RSRP1: variants seen among roughly 807,000 people sequenced by gnomAD.
The protein encoded by RSRP1 is arginine and serine rich protein 1.
RSRP1 carries 37 observed loss-of-function variants against 33.0 expected under a neutral mutation model. The ratio of observed to expected loss-of-function variants is 1.12; its 90% CI spans 0.86 to 1.48. The LOEUF (loss-of-function observed/expected upper bound fraction) is 1.48, where lower values mean the gene tolerates loss of function less well. Among genes scored for constraint, RSRP1 ranks in the 40% most tolerant of loss-of-function variants. The pLI is 0.00. For missense variants in RSRP1, 402 were observed against 385.3 expected, an observed-to-expected ratio of 1.04 and a Z score of -0.36; for synonymous variants, 167 against 158.7, an observed-to-expected ratio of 1.05 and a Z score of -0.40.
chr1:25,246,927 G>T lies in RSRP1; in HGVS notation c.37C>A (p.Pro13Thr). Residue 13 changes from proline (P) to threonine (T), a missense_variant, in exon 2 of 5, where the codon CCG becomes ACG. By Grantham distance (38) the Pro-to-Thr change is conservative. Coordinates refer to ENST00000243189, the MANE Select transcript of RSRP1 (RefSeq NM_020317.5). The stretch of plus-strand genomic sequence containing the variant: ...GTCGAGGGCGAATCCTTCTCCTGCG[G>T]CGAGCCCGGCCACATGTCGTTCACG... The part of the protein sequence containing the change: ...NYVNDMWPGS[P>T]QEKDSPSTSR... The T allele has an allele frequency of 1.3e-6, 2 of 1,593,580 alleles. No individual in the cohort carries two copies. Among genetic ancestry groups the T allele is most frequent in the Non-Finnish European group, 1.7e-6 (2 of 1,166,816 alleles).
At chr1:25,265,556 C>T (rs1640290342) in intron 1 of RSRP1, among the ~76,000 whole-genome samples, 1 of 80,564 alleles carries the variant, frequency 1.2e-5, no homozygotes, top group Admixed American at 1.2e-4. Flanking sequence ...CAACCTCCAC[C>T]TCCCAGGTTC....
rs71652367 is a variant in RSRP1 at position 25,284,235 on chromosome 1, G to A, written c.-66-37206C>T. Among the ~76,000 whole-genome samples the A allele has an allele frequency of 4.1e-4, 56 of 136,132 alleles. 3 individuals carry two copies. The highest frequency in any genetic ancestry group is 1.3e-3 in the African/African-American group (51 of 39,796). The allele number at this position is 136,132 out of a possible 152,430, so 89.3% of individuals were successfully genotyped here. ...TGACCTTTACTGAGTGTCCATGTGC[G>A]TCAAGCACGTGTGCTTTACACTTGT... On this transcript the variant is annotated intron_variant, in intron 1 of 1. Coordinates refer to the RSRP1 transcript ENST00000561867.
rs1484127214 is a variant in RSRP1 at position 25,286,781 on chromosome 1, G to A, written c.-66-39752C>T. Among the ~76,000 whole-genome samples the A allele has an allele frequency of 3.9e-4, 50 of 129,788 alleles. 8 individuals carry two copies. The highest frequency in any genetic ancestry group is 1.3e-3 in the African/African-American group (48 of 36,164). 85.1% of individuals were successfully genotyped at this position (129,788 alleles called of 152,430 possible). On this transcript the variant is annotated intron_variant, in intron 1 of 1. Transcript: ENST00000561867. ...AGCCTGGGTGACAGAGCGAGACTCC[G>A]TCTCAAAAAAAAAAAACAAAAACAG...
intron 1 of RSRP1, chr1:25,321,772 G>A: frequency 1.9e-6 from 1 of 517,950 alleles, no homozygotes; most frequent in Admixed American, 2.8e-5. Flanking sequence ...TTCAATTGTG[G>A]GAGAAAAAGG....
At chr1:25,270,237 G>C (rs1379717453) in intron 1 of RSRP1, among the ~76,000 whole-genome samples, 1 of 130,810 alleles carries the variant, frequency 7.6e-6, no homozygotes, top group African/African-American at 2.6e-5. Flanking sequence ...TTGCTGTTGG[G>C]GTAGCAGAGG....
intron 1 of RSRP1, among the ~76,000 whole-genome samples, chr1:25,272,014 G>A (rs1640540738): frequency 7.6e-6 from 1 of 131,392 alleles, no homozygotes; most frequent in Admixed American, 7.4e-5. Flanking sequence ...GGTCCTATCT[G>A]TATCCTCCCC....
At position 25,243,545 on chromosome 1, in the gene RSRP1, C is replaced by T. The variant is rs372056548; in HGVS notation, c.756+5G>A. On this transcript the variant is annotated splice_donor_5th_base_variant and intron_variant, in intron 4 of 4. Coordinates refer to ENST00000243189, the MANE Select transcript of RSRP1 (RefSeq NM_020317.5). ...TTTGAGTGTTCAATGCCTGGATATA[C>T]TTACATTAGAGCTAAAAGCTATGCT... is the stretch of plus-strand genomic sequence containing the variant. 1 of 1,613,182 alleles carries T rather than the reference C, an allele frequency of 6.2e-7. No homozygotes were observed. Among genetic ancestry groups the T allele is most frequent in the Non-Finnish European group, 8.5e-7 (1 of 1,179,534 alleles).
At chr1:25,305,649 G>A (rs554018620) in intron 1 of RSRP1, among the ~76,000 whole-genome samples, 1 of 129,168 alleles carries the variant, frequency 7.7e-6, no homozygotes, top group East Asian at 2.0e-4. Flanking sequence ...TGCCCAGGCT[G>A]GAGTGCAGTG....
chr1:25,333,535 G>A lies in RSRP1; in HGVS notation c.-67+4443C>T, dbSNP rs1399872708. 1.5e-5 allele frequency among the ~76,000 whole-genome samples: 2 copies of A among 130,020 alleles called. 1 individual carries two copies. Among genetic ancestry groups the A allele is most frequent in the Non-Finnish European group, 3.6e-5 (2 of 55,518 alleles). The allele number at this position is 130,020 out of a possible 152,430, so 85.3% of individuals were successfully genotyped here. ...AGAAGCCATGTGACAGAGAAGGGTGGGCCAGGGAGAGACGGATAAGTGATC... is the reference window on the plus strand; with the variant it reads ...AGAAGCCATGTGACAGAGAAGGGTGAGCCAGGGAGAGACGGATAAGTGATC... On this transcript the variant is annotated intron_variant, in intron 1 of 1. Transcript: ENST00000561867.
intron 1 of RSRP1, among the ~76,000 whole-genome samples, chr1:25,321,674 T>TAAATAAAATTAAATAAAATA (rs1553148980): frequency 2.2e-5 from 2 of 91,228 alleles, no homozygotes; most frequent in East Asian, 2.3e-4. Context: ...TGTCTCAAAA[T>TAAATAAAATTAAATAAAATA]AAATAAAATA....
upstream of RSRP1, chr1:25,338,218 G>C (rs376768219): frequency 3.9e-5 from 6 of 152,216 alleles, no homozygotes; most frequent in African/African-American, 1.2e-4. Flanking sequence ...GAAAGCCCCT[G>C]AACCCAGCGC....
At chr1:25,329,237 GTT>G (rs71014352) in intron 1 of RSRP1, 5,958 of 228,158 alleles carry the variant, frequency 0.026, 7 homozygotes, top group African/African-American at 0.081. Flanking sequence ...ATTATTCCTT[GTT>G]TTTTTTTTTT....
intron 1 of RSRP1, among the ~76,000 whole-genome samples, chr1:25,261,533 T>G (rs571011564): frequency 2.7e-4 from 41 of 151,408 alleles, no homozygotes; most frequent in African/African-American, 9.7e-4. Context: ...GTCTCCCGAG[T>G]AGCTGGGCCT....
rs1396119802 is a variant in RSRP1, at chr1:25,305,295, C to T, written c.-67+32683G>A. ...AGACATTCTAAAGGCATAGGGTCCA[C>T]CCAGGAGCATGGTGGACCCAGATCC... On this transcript the variant is annotated intron_variant, in intron 1 of 1. Transcript: ENST00000561867. Among the ~76,000 whole-genome samples the T allele has an allele frequency of 1.5e-5, 2 of 132,198 alleles. 1 individual carries two copies. Among genetic ancestry groups the T allele is most frequent in the Non-Finnish European group, 3.6e-5 (2 of 55,922 alleles). 86.7% of individuals were successfully genotyped at this position (132,198 alleles called of 152,430 possible). A position where few individuals can be genotyped will look rare whatever the true frequency, so the allele number is the denominator to read the frequency against.
At position 25,303,621 on chromosome 1, in the gene RSRP1, G is replaced by A. The variant is rs374185911; in HGVS notation, c.-67+34357C>T. 9.2e-5 allele frequency among the ~76,000 whole-genome samples: 12 copies of A among 130,802 alleles called. 2 individuals are homozygous for A. Among genetic ancestry groups the A allele is most frequent in the East Asian group, 2.0e-4 (1 of 5,090 alleles). The allele number at this position is 130,802 out of a possible 152,430, so 85.8% of individuals were successfully genotyped here. Reference sequence around the variant, plus strand: ...GAGGGATCCATCCTGGCTCGGTGGCGCATTTGTTAAGATGCTCGGGAGCAG... The same window carrying A: ...GAGGGATCCATCCTGGCTCGGTGGCACATTTGTTAAGATGCTCGGGAGCAG... On this transcript the variant is annotated intron_variant, in intron 1 of 1. Coordinates refer to the RSRP1 transcript ENST00000561867.
rs1422012711 is a variant in RSRP1 at position 25,295,868 on chromosome 1, T to G, written c.-67+42110A>C. Among the ~76,000 whole-genome samples, 13 of 104,938 alleles carry G rather than the reference T, an allele frequency of 1.2e-4. 2 individuals are homozygous for G. The highest frequency in any genetic ancestry group is 1.8e-4 in the Non-Finnish European group (8 of 43,854). The allele number at this position is 104,938 out of a possible 152,430, so 68.8% of individuals were successfully genotyped here. On this transcript the variant is annotated intron_variant, in intron 1 of 1. Transcript: ENST00000561867. ...ATGGGAAATTTTTTTTTTTTTTTTT[T>G]TTTTTTTTTTTGAGATGGAGTTTCG...
At chr1:25,262,330 G>A (rs1453403320) in intron 1 of RSRP1, among the ~76,000 whole-genome samples, 1 of 152,156 alleles carries the variant, frequency 6.6e-6, no homozygotes, top group Non-Finnish European at 1.5e-5. Context: ...CTAAGATACA[G>A]CAGTAAACAA....
In RSRP1 at chr1:25,284,759, G is replaced by T. The variant is rs765216289; in HGVS notation, c.-66-37730C>A. The T allele has an allele frequency of 2.9e-6, 4 of 1,388,602 alleles. No homozygotes were observed. The Admixed American group carries it at 5.3e-5, about 18-fold the overall frequency. 86.0% of individuals were successfully genotyped at this position (1,388,602 alleles called of 1,614,324 possible). The stretch of plus-strand genomic sequence containing the variant: ...GGGAAGGTGGTCATCACACTGTTCA[G>T]GTATTGGGATGGTGGCTGGATCACT... On this transcript the variant is annotated intron_variant, in intron 1 of 1. Coordinates refer to the RSRP1 transcript ENST00000561867.
chr1:25,255,241 C>T (rs1639910765), intron 1 of RSRP1, among the ~76,000 whole-genome samples: 1 of 152,180 alleles, frequency 6.6e-6, no homozygotes, highest in Non-Finnish European at 1.5e-5. Flanking sequence ...CTATAAGAGG[C>T]TTCCTTTTTG....
Sources: gnomAD v4.1 joint callset for allele counts (sites outside exome capture counted in the v4.1 genomes callset) on GRCh38, gnomAD v4.1.1 for gene constraint, MANE v1.5 for transcripts, NCBI Gene and HGNC (gene_info 2026-07-23, HGNC 2026-07-21) for gene names.